ICA1: variants seen among roughly 807,000 people sequenced by gnomAD.
ICA1 encodes the protein islet cell autoantigen 1.
A neutral mutation model predicts 71.0 loss-of-function variants in ICA1; 40 were observed. That is an observed-to-expected ratio of 0.56 (90% confidence interval 0.44 to 0.73). ICA1 has a LOEUF of 0.73. Ranked by LOEUF, ICA1 falls within the 30% of genes least tolerant of loss-of-function variation. The pLI is 0.00. For synonymous variants in ICA1, 207 were observed against 209.5 expected (o/e 0.99, Z 0.10); for missense variants, 578 against 576.5 (o/e 1.00, Z -0.03).
intron 6 of ICA1, among the ~76,000 whole-genome samples, chr7:8,179,052 A>G (rs1404785864): frequency 6.6e-6 from 1 of 152,146 alleles, no homozygotes; most frequent in African/African-American, 2.4e-5. Context: ...AAACTCTTCC[A>G]TACAGGCTCC....
At chr7:8,185,888 T>G (rs1261416483) in intron 6 of ICA1, among the ~76,000 whole-genome samples, 1 of 152,184 alleles carries the variant, frequency 6.6e-6, no homozygotes, top group Non-Finnish European at 1.5e-5. Flanking sequence ...TGTCTGTTAT[T>G]TTTCCAGGCA....
chr7:8,159,135 T>C (rs954607384), intron 6 of ICA1, among the ~76,000 whole-genome samples: 4 of 152,248 alleles, frequency 2.6e-5, no homozygotes, highest in African/African-American at 9.6e-5. Context: ...CTACAGACTT[T>C]ATTTGGATTT....
intron 6 of ICA1, among the ~76,000 whole-genome samples, chr7:8,189,788 G>C (rs1002211561): frequency 6.6e-6 from 1 of 152,084 alleles, no homozygotes; most frequent in Non-Finnish European, 1.5e-5. Context: ...TGGGCAGGGG[G>C]GCTGGGCAGG....
At chr7:8,232,268 A>G (rs1054493269) in intron 3 of ICA1, among the ~76,000 whole-genome samples, 2 of 152,192 alleles carry the variant, frequency 1.3e-5, no homozygotes, top group East Asian at 3.8e-4. Flanking sequence ...GCCAGATTCT[A>G]GTGTTCTAAA....
At chr7:8,215,674 A>G (rs563771183) in intron 6 of ICA1, among the ~76,000 whole-genome samples, 1 of 152,360 alleles carries the variant, frequency 6.6e-6, no homozygotes, top group South Asian at 2.1e-4. Context: ...CCAAATAGGG[A>G]GATCACATCC....
chr7:8,258,880 T>C (rs1185888879), intron 1 of ICA1, among the ~76,000 whole-genome samples: 1 of 152,246 alleles, frequency 6.6e-6, no homozygotes, highest in Non-Finnish European at 1.5e-5. Context: ...AAATCATGCC[T>C]GCAGTCCTTA....
chr7:8,174,771 A>AAAAAAAAAAAAAAAAACC (rs1554310916), intron 6 of ICA1, among the ~76,000 whole-genome samples: 1 of 106,040 alleles, frequency 9.4e-6, no homozygotes, highest in Non-Finnish European at 2.0e-5. Flanking sequence ...AAAAAAAAAA[A>AAAAAAAAAAAAAAAAACC]AAAAAAAACA....
At chr7:8,124,691 G>C (rs1249715463) in intron 13 of ICA1, among the ~76,000 whole-genome samples, 1 of 152,160 alleles carries the variant, frequency 6.6e-6, no homozygotes, top group Non-Finnish European at 1.5e-5. Flanking sequence ...CTTAGGTTTG[G>C]CTTTTTTTCC....
intron 6 of ICA1, among the ~76,000 whole-genome samples, chr7:8,171,226 T>TC (rs35802515): frequency 0.41 from 61,674 of 151,698 alleles, 14,811 homozygotes; most frequent in South Asian, 0.54. Context: ...TGATATTATT[T>TC]CTTCCGTATA....
At chr7:8,161,634 G>T (rs370054732) in intron 6 of ICA1, among the ~76,000 whole-genome samples, 2 of 152,180 alleles carry the variant, frequency 1.3e-5, no homozygotes, top group Non-Finnish European at 2.9e-5. Context: ...CCAGCTGGAG[G>T]GGGGTGAGAA....
chr7:8,201,215 G>A (rs940577773), intron 6 of ICA1, among the ~76,000 whole-genome samples: 2 of 152,146 alleles, frequency 1.3e-5, no homozygotes, highest in Admixed American at 1.3e-4. Flanking sequence ...AAAGAAAGTT[G>A]TACTCTCCAG....
chr7:8,154,447 C>T (rs1800794895), intron 8 of ICA1, among the ~76,000 whole-genome samples: 1 of 152,142 alleles, frequency 6.6e-6, no homozygotes, highest in Non-Finnish European at 1.5e-5. Flanking sequence ...GCTGCAATGG[C>T]ACAATTACCA....
Position 8,141,830 on chromosome 7 carries a change from A to C in ICA1, c.903-13T>G, listed in dbSNP as rs759639888. The C allele has an allele frequency of 7.1e-6, 11 of 1,545,586 alleles. No homozygotes were observed. The highest frequency in any genetic ancestry group is 6.2e-6 in the Non-Finnish European group (7 of 1,125,596). ...TAATGAAATTAATCTTAAAATAAAA[A>C]AGAGGTTTAGTCATCAACTTCTACC... On this transcript the variant is annotated splice_polypyrimidine_tract_variant and intron_variant, in intron 9 of 13. Transcript: ENST00000402384.
At chr7:8,148,188 G>C (rs1797683133) in intron 8 of ICA1, among the ~76,000 whole-genome samples, 1 of 152,154 alleles carries the variant, frequency 6.6e-6, no homozygotes, top group Non-Finnish European at 1.5e-5. Flanking sequence ...AATCCTTCAA[G>C]TATATAATCA....
intron 6 of ICA1, among the ~76,000 whole-genome samples, chr7:8,207,734 TTTCCCTGTTAGATTAGAATTACAGCA>T (rs1792109240): frequency 6.6e-6 from 1 of 152,202 alleles, no homozygotes; most frequent in African/African-American, 2.4e-5. Flanking sequence ...CATTTCCTCA[TTTCCCTGTTAGATTAGAATTACAGCA>T]GTTCTCTGGA....
At chr7:8,141,635 A>G (rs1795268227) in intron 10 of ICA1, 130 bp downstream of exon 10, 6 of 598,746 alleles carry the variant, frequency 1.0e-5, no homozygotes, top group Non-Finnish European at 1.5e-5. Flanking sequence ...GTCTACAGGA[A>G]GCAAATTAGC....
At chr7:8,196,947 C>T (rs750565060) in intron 6 of ICA1, among the ~76,000 whole-genome samples, 6 of 152,066 alleles carry the variant, frequency 3.9e-5, no homozygotes, top group Admixed American at 6.6e-5. Flanking sequence ...CGTGACTTTG[C>T]TCCTCATTCA....
intron 1 of ICA1, among the ~76,000 whole-genome samples, chr7:8,250,066 C>T (rs1807613692): frequency 6.6e-6 from 1 of 152,196 alleles, no homozygotes; most frequent in Non-Finnish European, 1.5e-5. Context: ...GGGTCCTCCA[C>T]TTGCCTGATG....
chr7:8,231,379 C>G (rs183529783), intron 3 of ICA1, among the ~76,000 whole-genome samples: 18 of 152,046 alleles, frequency 1.2e-4, no homozygotes, highest in Non-Finnish European at 2.2e-4. Flanking sequence ...GGAATGCAGT[C>G]TAAATGGTTC....
Sources: gnomAD v4.1 joint callset for allele counts (sites outside exome capture counted in the v4.1 genomes callset) on GRCh38, gnomAD v4.1.1 for gene constraint, MANE v1.5 for transcripts, NCBI Gene and HGNC (gene_info 2026-07-23, HGNC 2026-07-21) for gene names.